Variants in SPECC1 observed in about 807,000 individuals in gnomAD.
The protein encoded by SPECC1 is cytospin-B.
In SPECC1, 62 loss-of-function variants were observed where a neutral mutation model predicts 104.1. The observed-to-expected ratio is 0.60, with a 90% confidence interval of 0.49 to 0.74. SPECC1 has a LOEUF of 0.74. Among genes scored for constraint, SPECC1 ranks in the 30% least tolerant of loss-of-function variants. The pLI, the probability that SPECC1 is intolerant of heterozygous loss-of-function variation, is 0.00. For synonymous variants in SPECC1, 513 were observed against 501.6 expected, an observed-to-expected ratio of 1.02 and a Z score of -0.30; for missense variants, 1,306 against 1,310.5, an observed-to-expected ratio of 1.00 and a Z score of 0.05.
intron 1 of SPECC1, among the ~76,000 whole-genome samples, chr17:20,055,398 T>C (rs1431964879): frequency 1.3e-5 from 2 of 152,184 alleles, no homozygotes; most frequent in Non-Finnish European, 2.9e-5. Context: ...GCATACTCTT[T>C]TCCACAGCAG....
chr17:20,120,493 G>T (rs79885209), intron 3 of SPECC1, among the ~76,000 whole-genome samples: 3,394 of 152,204 alleles, frequency 0.022, 85 homozygotes, highest in Non-Finnish European at 0.032. Context: ...TGAAGGAAAA[G>T]AATAAAATTA....
intron 3 of SPECC1, among the ~76,000 whole-genome samples, chr17:20,122,636 C>A (rs2049092937): frequency 6.6e-6 from 1 of 152,164 alleles, no homozygotes; most frequent in Admixed American, 6.5e-5. Flanking sequence ...CACTCGCTTC[C>A]CATTCCCCTT....
At chr17:20,296,658 G>C (rs2041361353) in intron 12 of SPECC1, among the ~76,000 whole-genome samples, 1 of 152,166 alleles carries the variant, frequency 6.6e-6, no homozygotes, top group Non-Finnish European at 1.5e-5. Flanking sequence ...CATGAGCATG[G>C]AATGTTCTTC....
intron 1 of SPECC1, among the ~76,000 whole-genome samples, chr17:20,012,199 C>T (rs1280671502): frequency 1.3e-5 from 2 of 152,086 alleles, no homozygotes; most frequent in Non-Finnish European, 2.9e-5. Flanking sequence ...ATTTGCAGTC[C>T]ACTGTCAGTC....
intron 12 of SPECC1, chr17:20,290,370 C>A (rs966785783): frequency 6.7e-6 from 1 of 149,008 alleles, no homozygotes; most frequent in Admixed American, 6.7e-5. Context: ...TAAAGAGAGT[C>A]TCACTCTGTC....
At chr17:20,210,878 T>A (rs1462024014) in intron 4 of SPECC1, among the ~76,000 whole-genome samples, 1 of 152,072 alleles carries the variant, frequency 6.6e-6, no homozygotes, top group Admixed American at 6.5e-5. Context: ...CCAGTGACTG[T>A]CTGGCAGTCA....
At chr17:20,061,617 G>T (rs532961440) in intron 1 of SPECC1, among the ~76,000 whole-genome samples, 48 of 152,314 alleles carry the variant, frequency 3.2e-4, no homozygotes, top group Non-Finnish European at 5.9e-4. Flanking sequence ...CAGGAATCTT[G>T]GCTAAGCAAG....
At chr17:20,277,331 T>C (rs184632148) in intron 12 of SPECC1, among the ~76,000 whole-genome samples, 1 of 152,326 alleles carries the variant, frequency 6.6e-6, no homozygotes, top group East Asian at 1.9e-4. Flanking sequence ...TCCAACCTAA[T>C]TGGGTAAGAT....
At chr17:20,239,342 A>T in intron 7 of SPECC1, 1 of 964,762 alleles carries the variant, frequency 1.0e-6, no homozygotes, top group Non-Finnish European at 1.2e-6. Context: ...AATCAGTGTT[A>T]ACAGTGTGTA....
chr17:20,243,528 CTA>C (rs1434122846), intron 7 of SPECC1, among the ~76,000 whole-genome samples: 1 of 152,112 alleles, frequency 6.6e-6, no homozygotes, highest in African/African-American at 2.4e-5. Flanking sequence ...TCAATTCAGG[CTA>C]TGTTTTGTGA....
intron 3 of SPECC1, among the ~76,000 whole-genome samples, chr17:20,180,579 GGGGCCGGT>G (rs1409028288): frequency 1.3e-5 from 2 of 152,214 alleles, no homozygotes; most frequent in African/African-American, 4.8e-5. Flanking sequence ...GATGCTCACA[GGGGCCGGT>G]GGGTGGCATG....
intron 12 of SPECC1, among the ~76,000 whole-genome samples, chr17:20,278,098 C>T (rs573267337): frequency 2.0e-5 from 3 of 152,074 alleles, no homozygotes; most frequent in Admixed American, 6.6e-5. Context: ...TGTGAAAGAC[C>T]GGCTTTTTTT....
chr17:20,134,940 A>G (rs1177969893), intron 3 of SPECC1, among the ~76,000 whole-genome samples: 3 of 152,222 alleles, frequency 2.0e-5, no homozygotes, highest in Non-Finnish European at 4.4e-5. Flanking sequence ...TAATCATCAC[A>G]TTGGATGGAA....
intron 3 of SPECC1, among the ~76,000 whole-genome samples, chr17:20,140,778 G>C (rs1345960561): frequency 1.3e-5 from 2 of 152,184 alleles, no homozygotes; most frequent in African/African-American, 4.8e-5. Flanking sequence ...AGTAGAGAGT[G>C]CATAAGAGAG....
intron 3 of SPECC1, among the ~76,000 whole-genome samples, chr17:20,188,767 T>C (rs2035455479): frequency 6.6e-6 from 1 of 152,236 alleles, no homozygotes; most frequent in African/African-American, 2.4e-5. Flanking sequence ...TTATCCTTCC[T>C]ACATAGTAAA....
At chr17:20,146,922 A>G (rs1389937488) in intron 3 of SPECC1, among the ~76,000 whole-genome samples, 1 of 151,956 alleles carries the variant, frequency 6.6e-6, no homozygotes, top group African/African-American at 2.4e-5. Flanking sequence ...ACAAAACAAA[A>G]CAAAACTGAC....
chr17:20,224,209 C>G (rs893519503), intron 4 of SPECC1, among the ~76,000 whole-genome samples: 1 of 152,196 alleles, frequency 6.6e-6, no homozygotes, highest in Non-Finnish European at 1.5e-5. Flanking sequence ...CAGAGTCTCT[C>G]TCTTCATGCT....
At chr17:20,156,183 C>G (rs1346623426) in intron 3 of SPECC1, 10 of 1,445,532 alleles carry the variant, frequency 6.9e-6, no homozygotes, top group Non-Finnish European at 8.2e-6. Flanking sequence ...GGCTGGTGCC[C>G]GAGTCGGCCA....
intron 9 of SPECC1, among the ~76,000 whole-genome samples, chr17:20,250,799 C>G (rs2151558292): frequency 6.6e-6 from 1 of 152,290 alleles, no homozygotes; most frequent in Non-Finnish European, 1.5e-5. Flanking sequence ...TGCAAAAATC[C>G]TGAACAAAAT....
Sources: gnomAD v4.1 joint callset for allele counts (sites outside exome capture counted in the v4.1 genomes callset) on GRCh38, gnomAD v4.1.1 for gene constraint, MANE v1.5 for transcripts, NCBI Gene and HGNC (gene_info 2026-07-23, HGNC 2026-07-21) for gene names.